Variants in FER observed in about 807,000 individuals in gnomAD.
The protein encoded by FER is FER tyrosine kinase.
In FER, 63 loss-of-function variants were observed where a neutral mutation model predicts 111.0. The ratio of observed to expected loss-of-function variants is 0.57; its 90% confidence interval spans 0.46 to 0.70. The LOEUF (loss-of-function observed/expected upper bound fraction) is 0.70, where lower values mean the gene tolerates loss of function less well. FER is among the 30% of genes least tolerant of loss of function. The probability of loss-of-function intolerance (pLI) is 0.00; values close to 1 mark genes in which losing one functional copy is unlikely to be tolerated. For synonymous variants in FER, 327 were observed against 313.9 expected, an observed-to-expected ratio of 1.04 and a Z score of -0.44; for missense variants, 914 against 954.0, an observed-to-expected ratio of 0.96 and a Z score of 0.55.
rs984648212 is a variant in FER at position 109,178,486 on chromosome 5, A to G, written c.2049-2261A>G. Among the ~76,000 whole-genome samples the G allele has an allele frequency of 5.3e-5, 8 of 152,320 alleles. No individual in the cohort carries two copies. In the East Asian group the frequency reaches 1.3e-3, roughly 26 times the overall value. ...AAGAAAGTACTAACAGTGAAATCCT[A>G]TACACGACTAAAGTGTTGCAGTGAC... On this transcript the variant is annotated intron_variant, in intron 17 of 19. Coordinates refer to ENST00000281092, the MANE Select transcript of FER (RefSeq NM_005246.4).
chr5:108,942,102 A>G (rs1300358425), intron 10 of FER, among the ~76,000 whole-genome samples: 1 of 152,146 alleles, frequency 6.6e-6, no homozygotes, highest in Non-Finnish European at 1.5e-5. Flanking sequence ...TAGTCTTTAA[A>G]AAAATATGTT....
intron 13 of FER, among the ~76,000 whole-genome samples, chr5:109,009,988 T>C (rs184532914): frequency 6.6e-6 from 1 of 152,268 alleles, no homozygotes; most frequent in East Asian, 1.9e-4. Context: ...TTGGTCAAAG[T>C]AAGTAACAAG....
intron 13 of FER, among the ~76,000 whole-genome samples, chr5:109,004,894 G>C (rs1310655844): frequency 6.6e-6 from 1 of 151,714 alleles, no homozygotes; most frequent in Non-Finnish European, 1.5e-5. Context: ...ATTACCAAAT[G>C]GTTCAAATGA....
At chr5:109,064,709 G>A (rs1434314013) in intron 16 of FER, among the ~76,000 whole-genome samples, 1 of 152,152 alleles carries the variant, frequency 6.6e-6, no homozygotes, top group African/African-American at 2.4e-5. Context: ...GGCATGGTGA[G>A]CAGGACAAAG....
chr5:109,107,557 C>T (rs1271363512), intron 17 of FER, among the ~76,000 whole-genome samples: 1 of 152,040 alleles, frequency 6.6e-6, no homozygotes, highest in African/African-American at 2.4e-5. Flanking sequence ...TCATTTAGCT[C>T]ACACTTATAA....
chr5:109,140,659 G>C (rs1753428341), intron 17 of FER, among the ~76,000 whole-genome samples: 1 of 152,174 alleles, frequency 6.6e-6, no homozygotes, highest in Non-Finnish European at 1.5e-5. Context: ...GACTTCAAAT[G>C]CTTTTTCCTT....
At chr5:108,859,709 T>C (rs10042569) in intron 5 of FER, among the ~76,000 whole-genome samples, 12,135 of 152,066 alleles carry the variant, frequency 0.08, 640 homozygotes, top group African/African-American at 0.16. Context: ...ATCAATTGAA[T>C]GTAGCAATCA....
intron 16 of FER, among the ~76,000 whole-genome samples, chr5:109,068,912 A>G (rs1775441067): frequency 6.6e-6 from 1 of 152,262 alleles, no homozygotes; most frequent in African/African-American, 2.4e-5. Flanking sequence ...ATATTTCAGA[A>G]TAAATGATAT....
chr5:109,145,031 A>T (rs1487933071), intron 17 of FER, among the ~76,000 whole-genome samples: 13 of 150,532 alleles, frequency 8.6e-5, no homozygotes, highest in Non-Finnish European at 1.5e-5. Context: ...TCATTTCTTT[A>T]GTTGTTTTTT....
intron 17 of FER, among the ~76,000 whole-genome samples, chr5:109,103,314 A>G (rs920870243): frequency 6.6e-6 from 1 of 152,172 alleles, no homozygotes; most frequent in African/African-American, 2.4e-5. Context: ...CTCAGTATAT[A>G]GTTGAAAATA....
chr5:108,936,611 C>T (rs554417180), intron 10 of FER, among the ~76,000 whole-genome samples: 10 of 151,866 alleles, frequency 6.6e-5, no homozygotes, highest in East Asian at 1.9e-4. Flanking sequence ...GAGACCTGGT[C>T]CTAAGATTTC....
intron 13 of FER, among the ~76,000 whole-genome samples, chr5:108,979,997 T>A (rs1006197082): frequency 2.6e-5 from 4 of 152,170 alleles, no homozygotes; most frequent in African/African-American, 9.6e-5. Context: ...GTAATTATCA[T>A]TAAAGTGATC....
intron 17 of FER, among the ~76,000 whole-genome samples, chr5:109,103,756 A>G (rs1307837101): frequency 6.6e-6 from 1 of 152,178 alleles, no homozygotes; most frequent in Non-Finnish European, 1.5e-5. Flanking sequence ...AAGGTATGTT[A>G]CTAGATTGTT....
chr5:108,758,122 C>T (rs965728069), intron 1 of FER, among the ~76,000 whole-genome samples: 4 of 152,112 alleles, frequency 2.6e-5, no homozygotes, highest in African/African-American at 9.7e-5. Flanking sequence ...CAAGCTGTTG[C>T]AGGAATGGGA....
intron 9 of FER, among the ~76,000 whole-genome samples, chr5:108,886,967 A>C (rs1280044079): frequency 6.6e-6 from 1 of 151,704 alleles, no homozygotes; most frequent in Non-Finnish European, 1.5e-5. Flanking sequence ...TAATTTCTTA[A>C]TATTTCTTGA....
chr5:108,855,900 G>C (rs1464881539), intron 5 of FER, among the ~76,000 whole-genome samples: 1 of 151,146 alleles, frequency 6.6e-6, no homozygotes. Context: ...TAAAGGGGAG[G>C]AATGAAATAC....
intron 17 of FER, among the ~76,000 whole-genome samples, chr5:109,123,384 C>T (rs1342127983): frequency 6.6e-6 from 1 of 151,864 alleles, no homozygotes; most frequent in East Asian, 1.9e-4. Flanking sequence ...TCTCGATCTC[C>T]TGGCCTCATG....
chr5:108,944,735 C>A (rs11953486), intron 10 of FER, among the ~76,000 whole-genome samples: 20,432 of 151,802 alleles, frequency 0.13, 1,421 homozygotes, highest in Middle Eastern at 0.16. Context: ...CACTGGTTGG[C>A]ATGTTTTATT....
intron 17 of FER, among the ~76,000 whole-genome samples, chr5:109,160,980 T>C (rs1755930480): frequency 6.6e-6 from 1 of 152,178 alleles, no homozygotes; most frequent in African/African-American, 2.4e-5. Flanking sequence ...ATTCTTAGCA[T>C]AATGACCTTT....
Sources: allele counts gnomAD v4.1 joint callset (sites outside exome capture counted in the v4.1 genomes callset), GRCh38; gene constraint gnomAD v4.1.1; transcripts MANE v1.5; gene names NCBI Gene and HGNC (gene_info 2026-07-23, HGNC 2026-07-21).